Variants in KSR2 observed in about 807,000 individuals in gnomAD.
KSR2 encodes the protein kinase suppressor of ras 2.
KSR2 carries 25 observed loss-of-function variants against 107.8 expected under a neutral mutation model. The ratio of observed to expected loss-of-function variants is 0.23; its 90% CI spans 0.17 to 0.32. The LOEUF (loss-of-function observed/expected upper bound fraction) is 0.32. KSR2 is among the 10% of genes least tolerant of loss of function. The probability of loss-of-function intolerance (pLI) is 1.00; values close to 1 mark genes in which losing one functional copy is unlikely to be tolerated. For missense variants in KSR2, 887 were observed against 1,268.9 expected (o/e 0.70, Z 4.57); for synonymous variants, 480 against 507.0 (o/e 0.95, Z 0.71).
At position 117,740,480 on chromosome 12, in the gene KSR2, CAT is replaced by C. The variant is rs1206606507; in HGVS notation, c.986+20529_986+20530del. Among the ~76,000 whole-genome samples the C allele has an allele frequency of 1.6e-4, 18 of 114,540 alleles. 2 individuals are homozygous for C. The highest frequency in any genetic ancestry group is 2.8e-4 in the South Asian group (1 of 3,532). 75.1% of individuals were successfully genotyped at this position (114,540 alleles called of 152,430 possible). A position where few individuals can be genotyped will look rare whatever the true frequency, so the allele number is the denominator to read the frequency against. ...TACATATATTATATGTAATATATAA[CAT>C]ATAATATATATGTTATATATTACAT... is the stretch of plus-strand genomic sequence containing the variant. On this transcript the variant is annotated intron_variant, in intron 4 of 19. Transcript: ENST00000339824.
intron 16 of KSR2, among the ~76,000 whole-genome samples, chr12:117,478,370 G>A (rs374590968): frequency 6.6e-6 from 1 of 152,100 alleles, no homozygotes; most frequent in Admixed American, 6.5e-5. Flanking sequence ...TAACCACCAT[G>A]ACTATTGAGC....
intron 4 of KSR2, among the ~76,000 whole-genome samples, chr12:117,708,550 C>T (rs1223321180): frequency 1.3e-5 from 2 of 152,170 alleles, no homozygotes; most frequent in Non-Finnish European, 2.9e-5. Flanking sequence ...ACCCAGGACC[C>T]CCTGGAAGAA....
At position 117,463,488 on chromosome 12, in the gene KSR2, ACAGTTG is replaced by A. The variant is rs1375597087; in HGVS notation, c.*3705_*3710del. The A allele has an allele frequency of 1.3e-5, 2 of 152,252 alleles. No individual in the cohort carries two copies. The highest frequency in any genetic ancestry group is 2.9e-5 in the Non-Finnish European group (2 of 68,040). The allele number at this position is 152,252 out of a possible 1,614,324, so 9.4% of individuals were successfully genotyped here. ...TCTGTTGCAAATAGCTGGCTCTGTC[ACAGTTG>A]CATAGGAGCAGCCGTGGTTGTGTAA... On this transcript the variant is annotated 3_prime_UTR_variant, in exon 20 of 20. Transcript: ENST00000339824.
At chr12:117,558,284 T>A (rs1877847891) in intron 8 of KSR2, among the ~76,000 whole-genome samples, 1 of 151,920 alleles carries the variant, frequency 6.6e-6, no homozygotes, top group Non-Finnish European at 1.5e-5. Context: ...AGCTAAAGTG[T>A]CAGAGGGACC....
In KSR2 at chr12:117,558,590, G is replaced by A. The variant is rs562010210; in HGVS notation, c.1326-17C>T. ...CACTTTAACCTGAGAAAGATAAAGA[G>A]AGAGAAAGATGGATAGGTGAATGGC... On this transcript the variant is annotated splice_polypyrimidine_tract_variant and intron_variant, in intron 7 of 19. Coordinates refer to ENST00000339824, the MANE Select transcript of KSR2 (RefSeq NM_173598.6). The A allele has an allele frequency of 1.9e-6, 3 of 1,609,310 alleles. No homozygotes were observed. Among genetic ancestry groups the A allele is most frequent in the South Asian group, 1.1e-5 (1 of 90,980 alleles).
chr12:117,856,493 T>C (rs780605250), intron 2 of KSR2, among the ~76,000 whole-genome samples: 3 of 152,224 alleles, frequency 2.0e-5, no homozygotes, highest in Non-Finnish European at 2.9e-5. Flanking sequence ...GTTTGTTTGT[T>C]TTGAGACAGT....
chr12:117,469,572 G>T (rs1871318510), intron 19 of KSR2, 90 bp downstream of exon 19: 3 of 1,451,208 alleles, frequency 2.1e-6, no homozygotes, highest in East Asian at 4.9e-5. Flanking sequence ...CTTGTTGGGG[G>T]AGGAGTAAAA....
In KSR2 at chr12:117,469,699, G is replaced by A. The variant is rs1174924774; in HGVS notation, c.2809C>T (p.Arg937Cys). ...CAGAAATGTCCAGGGTGAGACAGGCGACGGTTTCGCTTTGGCAGTTTCTCC... is the reference window on the plus strand; with the variant it reads ...CAGAAATGTCCAGGGTGAGACAGGCAACGGTTTCGCTTTGGCAGTTTCTCC... ...MLEKLPKRNR[R>C]LSHPGHFWKS... Residue 937 changes from arginine (R) to cysteine (C), a missense_variant, in exon 19 of 20, where the codon CGC becomes TGC. Transcript: ENST00000339824. 6 of 1,613,368 alleles carry A rather than the reference G, an allele frequency of 3.7e-6. No individual in the cohort carries two copies. The highest frequency in any genetic ancestry group is 1.3e-5 in the African/African-American group (1 of 75,038).
At chr12:117,776,962 T>A (rs7309508) in intron 3 of KSR2, among the ~76,000 whole-genome samples, 1 of 151,156 alleles carries the variant, frequency 6.6e-6, no homozygotes, top group Non-Finnish European at 1.5e-5. Flanking sequence ...GCTGAACCAT[T>A]GCGACTAGGA....
intron 14 of KSR2, among the ~76,000 whole-genome samples, chr12:117,523,590 C>T (rs1443474731): frequency 6.6e-6 from 1 of 152,200 alleles, no homozygotes; most frequent in African/African-American, 2.4e-5. Flanking sequence ...TATGAACTAT[C>T]CCTTCTTTGT....
At chr12:117,649,474 G>A (rs1883794645) in intron 5 of KSR2, among the ~76,000 whole-genome samples, 1 of 152,150 alleles carries the variant, frequency 6.6e-6, no homozygotes, top group African/African-American at 2.4e-5. Context: ...ACAACACTTA[G>A]GTACTGCTTC....
chr12:117,470,000 T>TCATC lies in KSR2; in HGVS notation c.2713-209_2713-206dup, dbSNP rs571980532. Reference sequence around the variant, plus strand: ...TCCAATCAATTCACTCTTCCATCCTTCATCCATCCATCCATCCATCCAGTA... The same window carrying TCATC: ...TCCAATCAATTCACTCTTCCATCCTTCATCCATCCATCCATCCATCCATCCAGTA... On this transcript the variant is annotated intron_variant, in intron 18 of 19. Transcript: ENST00000339824. Among the ~76,000 whole-genome samples the TCATC allele has an allele frequency of 3.5e-3, 534 of 151,146 alleles. 7 individuals carry two copies. Among genetic ancestry groups the TCATC allele is most frequent in the African/African-American group, 0.011 (467 of 41,132 alleles).
intron 5 of KSR2, among the ~76,000 whole-genome samples, chr12:117,596,589 G>A (rs369147700): frequency 1.4e-4 from 21 of 152,068 alleles, no homozygotes; most frequent in African/African-American, 3.1e-4. Context: ...ATTTATTTGC[G>A]TATTTATTTT....
intron 3 of KSR2, among the ~76,000 whole-genome samples, chr12:117,813,193 T>C (rs1891261286): frequency 6.6e-6 from 1 of 152,076 alleles, no homozygotes; most frequent in Non-Finnish European, 1.5e-5. Context: ...GAAGTAAACA[T>C]AGGCAAAAGG....
chr12:117,547,163 A>C (rs1876926380), intron 9 of KSR2, among the ~76,000 whole-genome samples: 1 of 152,188 alleles, frequency 6.6e-6, no homozygotes, highest in African/African-American at 2.4e-5. Flanking sequence ...TAGCAGAGAA[A>C]GGGGAGGTAC....
chr12:117,674,429 T>C, intron 4 of KSR2: 1 of 455,610 alleles, frequency 2.2e-6, no homozygotes, highest in South Asian at 1.6e-5. Context: ...AGTTCATTCA[T>C]ATTGGAAGAT....
At chr12:117,837,662 G>C (rs1992750) in intron 3 of KSR2, among the ~76,000 whole-genome samples, 118,557 of 152,122 alleles carry the variant, frequency 0.78, 46,890 homozygotes, top group African/African-American at 0.9. Flanking sequence ...CTGTCAGCCC[G>C]AGCCACTGAG....
intron 3 of KSR2, among the ~76,000 whole-genome samples, chr12:117,843,983 A>G (rs952040582): frequency 7.7e-6 from 1 of 129,812 alleles, no homozygotes; most frequent in Non-Finnish European, 1.6e-5. Flanking sequence ...CTACGGTCGT[A>G]TAAGTCTAAC....
chr12:117,894,721 C>T (rs1299787598), intron 1 of KSR2, among the ~76,000 whole-genome samples: 1 of 115,452 alleles, frequency 8.7e-6, no homozygotes, highest in Non-Finnish European at 1.7e-5. Context: ...CTCCCCCTTC[C>T]CGTCCCCATC....
Sources: allele counts gnomAD v4.1 joint callset (sites outside exome capture counted in the v4.1 genomes callset), GRCh38; gene constraint gnomAD v4.1.1; transcripts MANE v1.5; gene names NCBI Gene and HGNC (gene_info 2026-07-23, HGNC 2026-07-21).